The following KL variants were observed in gnomAD, a reference collection of about 807,000 sequenced individuals.
KL encodes the protein klotho.
In KL, 62 loss-of-function variants were observed where a neutral mutation model predicts 84.2. That is an observed-to-expected ratio of 0.74 (90% CI 0.60 to 0.91). The LOEUF is 0.91. KL is among the 40% of genes least tolerant of loss of function. The pLI, the probability that KL is intolerant of heterozygous loss-of-function variation, is 0.00. For synonymous variants in KL, 528 were observed against 528.0 expected (o/e 1.00, Z 0.00); for missense variants, 1,261 against 1,305.7 (o/e 0.97, Z 0.53).
intron 1 of KL, among the ~76,000 whole-genome samples, chr13:33,045,576 G>C (rs1743622563): frequency 1.3e-5 from 2 of 152,102 alleles, no homozygotes; most frequent in African/African-American, 4.8e-5. Context: ...TGCCTCCTGG[G>C]TTCAAGCGAT....
Position 33,017,245 on chromosome 13 carries a change from C to G in KL, c.805C>G (p.His269Asp). The change falls in exon 1 of 5, where the codon CAC (histidine) becomes GAC (aspartate). Residue 269 changes from histidine to aspartate, a missense_variant. Coordinates refer to ENST00000380099, the MANE Select transcript of KL (RefSeq NM_004795.4). Reference sequence around the variant, plus strand: ...CCCGCGGCTCGGGTACCTGGTGGCGCACAACCTCCTCCTGGTGAGTGCGAG... The same window carrying G: ...CCCGCGGCTCGGGTACCTGGTGGCGGACAACCTCCTCCTGGTGAGTGCGAG... ...GSPRLGYLVA[H>D]NLLLAHAKVW... 6.3e-7 allele frequency: 1 copy of G among 1,578,624 alleles called. No homozygotes were observed. Among genetic ancestry groups the G allele is most frequent in the Non-Finnish European group, 8.6e-7 (1 of 1,169,256 alleles).
intron 1 of KL, among the ~76,000 whole-genome samples, chr13:33,047,944 C>T (rs867574009): frequency 3.9e-5 from 6 of 151,918 alleles, no homozygotes; most frequent in African/African-American, 9.7e-5. Context: ...TTGTTTATTT[C>T]GCTTTTCAGT....
chr13:33,022,744 ACTAC>A (rs1398924234), intron 1 of KL, among the ~76,000 whole-genome samples: 1 of 152,222 alleles, frequency 6.6e-6, no homozygotes, highest in African/African-American at 2.4e-5. Context: ...AAGAGCACAG[ACTAC>A]CTATCATATT....
chr13:33,025,820 T>C (rs538185482), intron 1 of KL, among the ~76,000 whole-genome samples: 5 of 151,602 alleles, frequency 3.3e-5, no homozygotes, highest in African/African-American at 9.8e-5. Context: ...TCAGGTTTTT[T>C]CCCCCCAGCT....
chr13:33,053,907 G>A lies in KL; in HGVS notation c.960G>A (p.Leu320=). The change falls in exon 2 of 5, where the codon CTG becomes CTA. Residue 320 remains leucine (L), a synonymous_variant. Coordinates refer to ENST00000380099, the MANE Select transcript of KL (RefSeq NM_004795.4). The part of the protein sequence containing the change: ...DHSIKECQKS[L]DFVLGWFAKP... ...GCATCAAAGAATGTCAAAAATCTCTGGACTTTGTACTAGGTTGGTTTGCCA... is the reference window on the plus strand; with the variant it reads ...GCATCAAAGAATGTCAAAAATCTCTAGACTTTGTACTAGGTTGGTTTGCCA... The A allele has an allele frequency of 6.2e-7, 1 of 1,614,142 alleles. No homozygotes were observed. Among genetic ancestry groups the A allele is most frequent in the Non-Finnish European group, 8.5e-7 (1 of 1,180,034 alleles).
Position 33,016,647 on chromosome 13 carries a change from G to T in KL, c.207G>T (p.Val69=). The T allele has an allele frequency of 8.9e-6, 14 of 1,579,010 alleles. No individual in the cohort carries two copies. The highest frequency in any genetic ancestry group is 1.0e-5 in the Non-Finnish European group (12 of 1,162,660). ...TCCCCGACGGCTTCCTCTGGGCCGT[G>T]GGCAGCGCCGCCTACCAGACCGAGG... ...GTFPDGFLWA[V]GSAAYQTEGG... is the part of the protein sequence containing the mutation. The change falls in exon 1 of 5, where the codon GTG becomes GTT. Residue 69 remains valine (V), a synonymous_variant. Coordinates refer to ENST00000380099, the MANE Select transcript of KL (RefSeq NM_004795.4).
At chr13:33,037,114 A>T (rs1428540982) in intron 1 of KL, among the ~76,000 whole-genome samples, 2 of 152,180 alleles carry the variant, frequency 1.3e-5, no homozygotes, top group Non-Finnish European at 2.9e-5. Context: ...CTTCTTTTAG[A>T]TTGTGTCTTG....
chr13:33,017,802 C>G (rs1870427194), intron 1 of KL, among the ~76,000 whole-genome samples: 2 of 152,208 alleles, frequency 1.3e-5, no homozygotes, highest in Non-Finnish European at 2.9e-5. Context: ...CCTTCTGCGG[C>G]AGGGCAGGGA....
At position 33,055,253 on chromosome 13, in the gene KL, C is replaced by G; in HGVS notation, c.1537C>G (p.Gln513Glu). 6.2e-7 allele frequency: 1 copy of G among 1,614,190 alleles called. No homozygotes were observed. The highest frequency in any genetic ancestry group is 1.3e-5 in the African/African-American group (1 of 75,060). ...KNGFPPLPEN[Q>E]PLEGTFPCDF... ...TGGCTTCCCTCCTTTACCTGAAAATCAGCCCCTAGAAGGGACATTTCCCTG... is the reference window on the plus strand; with the variant it reads ...TGGCTTCCCTCCTTTACCTGAAAATGAGCCCCTAGAAGGGACATTTCCCTG... The change falls in exon 3 of 5, where the codon CAG (glutamine) becomes GAG (glutamate). Residue 513 changes from glutamine (Q) to glutamate (E), a missense_variant. Gln to Glu is a conservative substitution (Grantham distance 29). Transcript: ENST00000380099.
rs1328677266 is a variant in KL, at chr13:33,055,261, A to G, written c.1545A>G (p.Leu515=). 6.2e-7 allele frequency: 1 copy of G among 1,614,170 alleles called. No homozygotes were observed. Among genetic ancestry groups the G allele is most frequent in the South Asian group, 1.1e-5 (1 of 91,086 alleles). ...CTCCTTTACCTGAAAATCAGCCCCTAGAAGGGACATTTCCCTGTGACTTTG... is the reference window on the plus strand; with the variant it reads ...CTCCTTTACCTGAAAATCAGCCCCTGGAAGGGACATTTCCCTGTGACTTTG... ...GFPPLPENQP[L]EGTFPCDFAW... The change falls in exon 3 of 5, where the codon CTA becomes CTG. Residue 515 remains leucine (L), a synonymous_variant. Transcript: ENST00000380099.
rs1328219791 is a variant in KL at position 33,061,848 on chromosome 13, TCTCCAACATCAA to T, written c.2701+70_2701+81del. On this transcript the variant is annotated intron_variant, in intron 4 of 4. Coordinates refer to ENST00000380099, the MANE Select transcript of KL (RefSeq NM_004795.4). ...CCAGAGGGCATGACACTTGATTAAATCTCCAACATCAACACACACTGCCACCCTTGGAATGGA... is the reference window on the plus strand; with the variant it reads ...CCAGAGGGCATGACACTTGATTAAATCACACACTGCCACCCTTGGAATGGA... 19 of 1,510,980 alleles carry T rather than the reference TCTCCAACATCAA, an allele frequency of 1.3e-5. No individual in the cohort carries two copies. In the African/African-American group the frequency reaches 2.5e-4, roughly 20 times the overall value. The allele number at this position is 1,510,980 out of a possible 1,614,324, so 93.6% of individuals were successfully genotyped here. A position where few individuals can be genotyped will look rare whatever the true frequency, so the allele number is the denominator to read the frequency against.
In KL at chr13:33,027,772, C is replaced by A. The variant is rs184336670; in HGVS notation, c.819+10513C>A. On this transcript the variant is annotated intron_variant, in intron 1 of 4. Coordinates refer to ENST00000380099, the MANE Select transcript of KL (RefSeq NM_004795.4). Reference sequence around the variant, plus strand: ...GGACTATCTGCCCCTACACAACACTCAGAATGGCATTCTCTTTGCTTTCCA... The same window carrying A: ...GGACTATCTGCCCCTACACAACACTAAGAATGGCATTCTCTTTGCTTTCCA... Among the ~76,000 whole-genome samples, 7 of 152,350 alleles carry A rather than the reference C, an allele frequency of 4.6e-5. No homozygotes were observed. In the East Asian group the frequency reaches 1.3e-3, roughly 29 times the overall value.
At chr13:33,045,369 C>T (rs921449949) in intron 1 of KL, among the ~76,000 whole-genome samples, 1 of 152,182 alleles carries the variant, frequency 6.6e-6, no homozygotes, top group African/African-American at 2.4e-5. Context: ...ACTTCTAGTA[C>T]AATGTTAGAG....
At chr13:33,019,708 G>GGGGTGT in intron 1 of KL, among the ~76,000 whole-genome samples, 1 of 133,174 alleles carries the variant, frequency 7.5e-6, no homozygotes, top group African/African-American at 2.8e-5. Context: ...TGGCAAAAAT[G>GGGGTGT]GTGTGTGTGT....
intron 1 of KL, among the ~76,000 whole-genome samples, chr13:33,045,760 T>G (rs1260930272): frequency 6.6e-6 from 1 of 152,216 alleles, no homozygotes; most frequent in Admixed American, 6.5e-5. Context: ...ATTACAGGCA[T>G]GAGCCACCAC....
At chr13:33,060,596 G>T in intron 3 of KL, 83 bp from the exon 4 acceptor site, 1 of 1,497,440 alleles carries the variant, frequency 6.7e-7, no homozygotes, top group Non-Finnish European at 9.3e-7. Flanking sequence ...TCATATTCCT[G>T]GCTAGTTTTG....
chr13:33,031,959 G>A (rs531124706), intron 1 of KL, among the ~76,000 whole-genome samples: 103 of 152,098 alleles, frequency 6.8e-4, no homozygotes, highest in Middle Eastern at 3.4e-3. Flanking sequence ...TTCATTGAGA[G>A]ACCCAGAGAG....
chr13:33,037,300 T>C (rs1331263770), intron 1 of KL, among the ~76,000 whole-genome samples: 2 of 152,138 alleles, frequency 1.3e-5, no homozygotes, highest in Non-Finnish European at 2.9e-5. Flanking sequence ...GGCATGAGAA[T>C]TATGCCATCT....
chr13:33,038,954 T>C (rs1871239243), intron 1 of KL, among the ~76,000 whole-genome samples: 1 of 152,164 alleles, frequency 6.6e-6, no homozygotes, highest in Admixed American at 6.5e-5. Context: ...TTTCGTTACA[T>C]AAAAGTCAGA....
Sources: gnomAD v4.1 joint callset for allele counts (sites outside exome capture counted in the v4.1 genomes callset) on GRCh38, gnomAD v4.1.1 for gene constraint, MANE v1.5 for transcripts, NCBI Gene and HGNC (gene_info 2026-07-23, HGNC 2026-07-21) for gene names.